Variants in GDAP2 observed in about 807,000 individuals in gnomAD.
The protein encoded by GDAP2 is ganglioside-induced differentiation-associated protein 2.
Under a neutral mutation model 67.0 loss-of-function variants are expected in GDAP2, and 51 were observed. The observed-to-expected ratio is 0.76, with a 90% CI of 0.61 to 0.96. The LOEUF (loss-of-function observed/expected upper bound fraction) is 0.96. Among genes scored for constraint, GDAP2 ranks in the 40% least tolerant of loss-of-function variants. The pLI, the probability that GDAP2 is intolerant of heterozygous loss-of-function variation, is 0.00. For missense variants in GDAP2, 547 were observed against 588.3 expected (o/e 0.93, Z 0.73); for synonymous variants, 203 against 207.3 (o/e 0.98, Z 0.18).
chr1:117,884,089 C>T (rs191490099), intron 10 of GDAP2, among the ~76,000 whole-genome samples: 75 of 152,250 alleles, frequency 4.9e-4, no homozygotes, highest in African/African-American at 1.7e-3. Context: ...TCATGGCCTG[C>T]ACATAACCAA....
intron 5 of GDAP2, among the ~76,000 whole-genome samples, chr1:117,907,435 C>A (rs1005255669): frequency 6.6e-6 from 1 of 152,158 alleles, no homozygotes; most frequent in Non-Finnish European, 1.5e-5. Context: ...AGATAACTCA[C>A]AGAGACCTCA....
chr1:117,896,555 G>A (rs746778176), intron 8 of GDAP2: 24 of 260,820 alleles, frequency 9.2e-5, no homozygotes, highest in African/African-American at 2.6e-4. Context: ...TATAAACCTC[G>A]CATGGAGGCA....
At chr1:117,875,150 T>C (rs911325184) in intron 13 of GDAP2, among the ~76,000 whole-genome samples, 2 of 152,206 alleles carry the variant, frequency 1.3e-5, no homozygotes, top group African/African-American at 4.8e-5. Flanking sequence ...AACCACTTGC[T>C]AGAGAGATTA....
chr1:117,883,418 T>G lies in GDAP2; in HGVS notation c.1247+70A>C, dbSNP rs1289899536. ...TATCCTTTCACAGAATACAAAGCAA[T>G]GTTTGCCACTGCTTAATATTAGAAA... is the stretch of plus-strand genomic sequence containing the variant. On this transcript the variant is annotated intron_variant, in intron 11 of 13. Transcript: ENST00000369443. The G allele has an allele frequency of 4.5e-6, 5 of 1,099,766 alleles. No homozygotes were observed. In the South Asian group the frequency reaches 5.3e-5, roughly 12 times the overall value. The allele number at this position is 1,099,766 out of a possible 1,614,324, so 68.1% of individuals were successfully genotyped here.
intron 8 of GDAP2, 120 bp downstream of exon 8, chr1:117,896,713 T>C (rs2101136291): frequency 3.1e-6 from 2 of 637,468 alleles, no homozygotes; most frequent in South Asian, 3.2e-5. Flanking sequence ...TCCTCACTGA[T>C]TGTCATGAAA....
At chr1:117,899,642 T>C (rs959216641) in intron 6 of GDAP2, among the ~76,000 whole-genome samples, 1 of 152,206 alleles carries the variant, frequency 6.6e-6, no homozygotes, top group African/African-American at 2.4e-5. Flanking sequence ...ATGATGTTTA[T>C]TCTTTCTTAA....
At chr1:117,894,800 A>C (rs1318001520) in intron 8 of GDAP2, among the ~76,000 whole-genome samples, 1 of 152,224 alleles carries the variant, frequency 6.6e-6, no homozygotes, top group Non-Finnish European at 1.5e-5. Flanking sequence ...TTTCAAGAAA[A>C]ATAATCAACA....
chr1:117,893,323 A>G (rs1312699954), intron 8 of GDAP2, among the ~76,000 whole-genome samples: 1 of 152,182 alleles, frequency 6.6e-6, no homozygotes, highest in Non-Finnish European at 1.5e-5. Flanking sequence ...TGTCTACCTT[A>G]TGATACACCC....
chr1:117,890,879 G>A (rs990000480), intron 8 of GDAP2, among the ~76,000 whole-genome samples: 3 of 151,850 alleles, frequency 2.0e-5, no homozygotes, highest in African/African-American at 7.2e-5. Context: ...CAATGTCGTT[G>A]ATTGATTTGG....
chr1:117,873,184 T>C (rs895868505), intron 13 of GDAP2, among the ~76,000 whole-genome samples: 4 of 152,194 alleles, frequency 2.6e-5, no homozygotes, highest in African/African-American at 7.2e-5. Flanking sequence ...GAAACAATCA[T>C]AGAAATTTTA....
At chr1:117,887,567 T>A (rs1006354310) in intron 9 of GDAP2, 131 bp downstream of exon 9, 4 of 685,340 alleles carry the variant, frequency 5.8e-6, no homozygotes, top group Non-Finnish European at 8.0e-6. Context: ...GGCAAAACTA[T>A]CTTTATTAGT....
At chr1:117,887,622 A>T in intron 9 of GDAP2, 76 bp downstream of exon 9, 1 of 814,980 alleles carries the variant, frequency 1.2e-6, no homozygotes, top group South Asian at 1.4e-5. Flanking sequence ...AATCAGAGAA[A>T]AATGAATTCT....
At chr1:117,890,472 G>C (rs997988111) in intron 8 of GDAP2, among the ~76,000 whole-genome samples, 12 of 151,528 alleles carry the variant, frequency 7.9e-5, no homozygotes, top group Admixed American at 6.6e-4. Flanking sequence ...TTTTTAACTG[G>C]AACTCAGGTG....
chr1:117,897,802 T>C (rs1227530007), intron 7 of GDAP2, among the ~76,000 whole-genome samples: 1 of 152,194 alleles, frequency 6.6e-6, no homozygotes, highest in Non-Finnish European at 1.5e-5. Flanking sequence ...CCACGTCTAC[T>C]TCACTGCTCC....
At chr1:117,886,901 C>A (rs936535252) in intron 9 of GDAP2, among the ~76,000 whole-genome samples, 6 of 152,024 alleles carry the variant, frequency 3.9e-5, no homozygotes, top group Non-Finnish European at 8.8e-5. Context: ...AAATCAAGAA[C>A]AAACAGCCAA....
In GDAP2 at chr1:117,878,117, T is replaced by C. The variant is rs1324663598; in HGVS notation, c.1338A>G (p.Ser446=). ...STWFFTTFSV[S]GLKDKIHHVD... is the part of the protein sequence containing the mutation. ...CATGGTGGATTTTGTCCTTCAGTCCTGAGACAGAAAAGGTGGTAAAAAACC... is the reference window on the plus strand; with the variant it reads ...CATGGTGGATTTTGTCCTTCAGTCCCGAGACAGAAAAGGTGGTAAAAAACC... Residue 446 remains serine, a synonymous_variant, in exon 13 of 14, where the codon TCA becomes TCG. Transcript: ENST00000369443. 7.5e-6 allele frequency: 12 copies of C among 1,603,946 alleles called. No homozygotes were observed. The highest frequency in any genetic ancestry group is 1.0e-5 in the Non-Finnish European group (12 of 1,174,222).
At chr1:117,870,990 C>G (rs1405020501) in intron 13 of GDAP2, among the ~76,000 whole-genome samples, 1 of 152,146 alleles carries the variant, frequency 6.6e-6, no homozygotes, top group Non-Finnish European at 1.5e-5. Context: ...CTAAAGTTAC[C>G]TAGTTGGTAA....
At chr1:117,922,189 A>T (rs1289927922) in intron 1 of GDAP2, among the ~76,000 whole-genome samples, 1 of 152,224 alleles carries the variant, frequency 6.6e-6, no homozygotes, top group Non-Finnish European at 1.5e-5. Flanking sequence ...AATTCTCAGC[A>T]TATGGATGGT....
intron 8 of GDAP2, among the ~76,000 whole-genome samples, chr1:117,890,875 C>T (rs1157374129): frequency 1.3e-5 from 2 of 151,904 alleles, no homozygotes; most frequent in African/African-American, 2.4e-5. Context: ...ATTTCAATGT[C>T]GTTGATTGAT....
Sources: allele counts gnomAD v4.1 joint callset (sites outside exome capture counted in the v4.1 genomes callset), GRCh38; gene constraint gnomAD v4.1.1; transcripts MANE v1.5; gene names NCBI Gene and HGNC (gene_info 2026-07-23, HGNC 2026-07-21).